ARMCX5: variants seen among roughly 807,000 people sequenced by gnomAD.
ARMCX5 encodes the protein armadillo repeat containing X-linked 5, also known as armadillo repeat-containing X-linked protein 5.
In ARMCX5, 1 loss-of-function variant was observed where a neutral mutation model predicts 7.5. That is an observed-to-expected ratio of 0.13 (90% CI 0.05 to 0.63). ARMCX5 has a LOEUF of 0.63. Ranked by LOEUF, ARMCX5 falls within the 30% of genes least tolerant of loss-of-function variation. ARMCX5 has a pLI of 0.86. For missense variants in ARMCX5, 346 were observed against 402.2 expected, an observed-to-expected ratio of 0.86 and a Z score of 1.19; for synonymous variants, 149 against 145.7, an observed-to-expected ratio of 1.02 and a Z score of -0.16.
At position 102,603,123 on chromosome X, in the gene ARMCX5, C is replaced by A. The variant is rs1602495118; in HGVS notation, c.982C>A (p.His328Asn). The change falls in exon 4 of 4, where the codon CAT (histidine) becomes AAT (asparagine). Residue 328 changes from histidine (H) to asparagine (N), a missense_variant. This residue lies in a region of ARMCX5 where 204 missense variants were observed against 244.3 expected (regional missense o/e 0.83). Transcript: ENST00000473968. ...TAAGTTAACTAAGGATCCTTTCATT[C>A]ATGAAATAGCTACAATGATAATGGG... is the stretch of plus-strand genomic sequence containing the variant. ...LLKLTKDPFI[H>N]EIATMIMGIS... 8.3e-7 allele frequency: 1 copy of A among 1,209,889 alleles called. No homozygotes were observed.
chrX:102,599,284 A>T (rs2080997169), upstream of ARMCX5: 2 of 110,521 alleles, frequency 1.8e-5, 1 homozygote, highest in Admixed American at 1.9e-4. Context: ...TGGTGGGGGG[A>T]GCTCCCGCAA....
chrX:102,601,442 CTGTT>C lies in ARMCX5; in HGVS notation c.-308-16_-308-13del, dbSNP rs757681358. On this transcript the variant is annotated intron_variant, in intron 2 of 3. Coordinates refer to ENST00000473968, the MANE Select transcript of ARMCX5 (RefSeq NM_001168478.2). ...CCAGGAGATCAGTTTCCACATTCTC[CTGTT>C]TGTTTATTTGTCCATAGGTCTGCCT... The C allele has an allele frequency of 3.4e-3, 381 of 111,637 alleles. 1 individual carries two copies. The highest frequency in any genetic ancestry group is 4.2e-3 in the Non-Finnish European group (225 of 53,129). The allele number at this position is 111,637 out of a possible 1,213,427, so 9.2% of individuals were successfully genotyped here. A position where few individuals can be genotyped will look rare whatever the true frequency, so the allele number is the denominator to read the frequency against.
rs1369873234 is a variant in ARMCX5, at chrX:102,602,121, TC to T, written c.-19del. 3 of 1,166,671 alleles carry T rather than the reference TC, an allele frequency of 2.6e-6. No individual in the cohort carries two copies. In the African/African-American group the frequency reaches 5.3e-5, roughly 21 times the overall value. On this transcript the variant is annotated 5_prime_UTR_variant, in exon 4 of 4. Transcript: ENST00000473968. Reference sequence around the variant, plus strand: ...GAGACGGGTGGGGGTATATAACTTGTCCTTACGTTAAACTTGGAACATGGTT... The same window carrying T: ...GAGACGGGTGGGGGTATATAACTTGTCTTACGTTAAACTTGGAACATGGTT...
chrX:102,604,034 G>A lies in ARMCX5; in HGVS notation c.*216G>A. On this transcript the variant is annotated 3_prime_UTR_variant, in exon 4 of 4. Coordinates refer to ENST00000473968, the MANE Select transcript of ARMCX5 (RefSeq NM_001168478.2). Reference sequence around the variant, plus strand: ...GAGATATTTTTGGTATTTCTGCAACGTGACCTGATAATGAATCTATTCATC... The same window carrying A: ...GAGATATTTTTGGTATTTCTGCAACATGACCTGATAATGAATCTATTCATC... The A allele has an allele frequency of 3.3e-6, 1 of 304,952 alleles. No individual in the cohort carries two copies. The allele number at this position is 304,952 out of a possible 1,213,427, so 25.1% of individuals were successfully genotyped here. A position where few individuals can be genotyped will look rare whatever the true frequency, so the allele number is the denominator to read the frequency against.
rs774329171 is a variant in ARMCX5, at chrX:102,603,666, G to T, written c.1525G>T (p.Ala509Ser). Reference protein sequence around the residue: ...ENINFQFKTKAKLFTKEKFTK... With the variant: ...ENINFQFKTKSKLFTKEKFTK... ...TATAAATTTTCAGTTCAAAACAAAGGCAAAGCTATTTACCAAGGAAAAGTT... is the reference window on the plus strand; with the variant it reads ...TATAAATTTTCAGTTCAAAACAAAGTCAAAGCTATTTACCAAGGAAAAGTT... The change falls in exon 4 of 4, where the codon GCA (alanine) becomes TCA (serine). Residue 509 changes from alanine to serine, a missense_variant. Transcript: ENST00000473968. The T allele has an allele frequency of 6.7e-6, 8 of 1,193,458 alleles. No homozygotes were observed. Among genetic ancestry groups the T allele is most frequent in the Non-Finnish European group, 9.1e-6 (8 of 881,400 alleles).
In ARMCX5 at chrX:102,603,843, TCAAA is replaced by T; in HGVS notation, c.*28_*31del. ...AATACCCCTCTGTTCTCATAAAGCC[TCAAA>T]CAGTTTTTTGGAGTTGCAATATGAA... On this transcript the variant is annotated 3_prime_UTR_variant, in exon 4 of 4. Transcript: ENST00000473968. The T allele has an allele frequency of 1.0e-6, 1 of 973,924 alleles. No homozygotes were observed. The highest frequency in any genetic ancestry group is 3.2e-5 in the East Asian group (1 of 31,476). The allele number at this position is 973,924 out of a possible 1,213,427, so 80.3% of individuals were successfully genotyped here. A position where few individuals can be genotyped will look rare whatever the true frequency, so the allele number is the denominator to read the frequency against.
At position 102,603,092 on chromosome X, in the gene ARMCX5, C is replaced by T. The variant is rs2081062405; in HGVS notation, c.951C>T (p.Ala317=). Residue 317 remains alanine (A), a synonymous_variant, in exon 4 of 4, where the codon GCC becomes GCT. Transcript: ENST00000473968. ...CTAAAGAGTTTGATAAACTTGTTGCCCTCCTTAAGTTAACTAAGGATCCTT... is the reference window on the plus strand; with the variant it reads ...CTAAAGAGTTTGATAAACTTGTTGCTCTCCTTAAGTTAACTAAGGATCCTT... ...LEPKEFDKLV[A]LLKLTKDPFI... 8.3e-7 allele frequency: 1 copy of T among 1,210,353 alleles called. No homozygotes were observed. Among genetic ancestry groups the T allele is most frequent in the East Asian group, 3.0e-5 (1 of 33,838 alleles).
At position 102,602,459 on chromosome X, in the gene ARMCX5, C is replaced by G. The variant is rs779963766; in HGVS notation, c.318C>G (p.Thr106=). ...CAGAACGCAGTATAGTGCCACAAAC[C>G]AAGTCAAAGGCCATGCCTATGTCTA... ...PLAERSIVPQ[T]KSKAMPMSRV... The change falls in exon 4 of 4, where the codon ACC becomes ACG. Residue 106 remains threonine, a synonymous_variant. Coordinates refer to ENST00000473968, the MANE Select transcript of ARMCX5 (RefSeq NM_001168478.2). The G allele has an allele frequency of 1.5e-5, 18 of 1,209,998 alleles. No individual in the cohort carries two copies. The highest frequency in any genetic ancestry group is 2.0e-5 in the Non-Finnish European group (18 of 895,150).
rs770882008 is a variant in ARMCX5 at position 102,602,314 on chromosome X, C to T, written c.173C>T (p.Ala58Val). Residue 58 changes from alanine to valine, a missense_variant, in exon 4 of 4, where the codon GCA becomes GTA. Coordinates refer to ENST00000473968, the MANE Select transcript of ARMCX5 (RefSeq NM_001168478.2). ...ACCCAGGCCAAAGCTGGTGATGGAGCAATGACCAGGACACATACAGTGACC... is the reference window on the plus strand; with the variant it reads ...ACCCAGGCCAAAGCTGGTGATGGAGTAATGACCAGGACACATACAGTGACC... ...SVTQAKAGDGAMTRTHTVTYR... is the reference protein window; with the variant it reads ...SVTQAKAGDGVMTRTHTVTYR... 2.5e-6 allele frequency: 3 copies of T among 1,211,587 alleles called. No individual in the cohort carries two copies. The highest frequency in any genetic ancestry group is 3.4e-6 in the Non-Finnish European group (3 of 895,444).
At position 102,602,057 on chromosome X, in the gene ARMCX5, T is replaced by A; in HGVS notation, c.-85T>A. On this transcript the variant is annotated 5_prime_UTR_variant, in exon 4 of 4. Transcript: ENST00000473968. ...GGGACAGAGTGACTACTGGACTTTGTGTGAAAACACCAACCGGGACAAAAC... is the reference window on the plus strand; with the variant it reads ...GGGACAGAGTGACTACTGGACTTTGAGTGAAAACACCAACCGGGACAAAAC... The A allele has an allele frequency of 1.2e-6, 1 of 828,290 alleles. No homozygotes were observed. The highest frequency in any genetic ancestry group is 2.4e-5 in the South Asian group (1 of 40,821). The allele number at this position is 828,290 out of a possible 1,213,427, so 68.3% of individuals were successfully genotyped here.
At position 102,602,426 on chromosome X, in the gene ARMCX5, A is replaced by T; in HGVS notation, c.285A>T (p.Lys95Asn). ...KTRVMVETKTKPLAERSIVPQ... is the reference protein window; with the variant it reads ...KTRVMVETKTNPLAERSIVPQ... ...GAGTCATGGTTGAGACTAAGACAAAACCCCTGGCAGAACGCAGTATAGTGC... is the reference window on the plus strand; with the variant it reads ...GAGTCATGGTTGAGACTAAGACAAATCCCCTGGCAGAACGCAGTATAGTGC... Residue 95 changes from lysine (K) to asparagine (N), a missense_variant, in exon 4 of 4, where the codon AAA (lysine) becomes AAT (asparagine). Around this residue, in one of 3 missense-constraint regions of ARMCX5, gnomAD observed 204 missense variants for 244.3 expected, o/e 0.83. Transcript: ENST00000473968. 3 of 1,211,210 alleles carry T rather than the reference A, an allele frequency of 2.5e-6. No homozygotes were observed. The highest frequency in any genetic ancestry group is 3.4e-6 in the Non-Finnish European group (3 of 895,334).
rs2081049918 is a variant in ARMCX5, at chrX:102,602,321, C to A, written c.180C>A (p.Thr60=). The change falls in exon 4 of 4, where the codon ACC becomes ACA. Residue 60 remains threonine (T), a synonymous_variant. Transcript: ENST00000473968. ...TQAKAGDGAM[T]RTHTVTYREA... is the part of the protein sequence containing the mutation. The stretch of plus-strand genomic sequence containing the variant: ...CCAAAGCTGGTGATGGAGCAATGAC[C>A]AGGACACATACAGTGACCTACAGGG... 1 of 1,209,762 alleles carries A rather than the reference C, an allele frequency of 8.3e-7. No individual in the cohort carries two copies. The highest frequency in any genetic ancestry group is 1.1e-6 in the Non-Finnish European group (1 of 895,153).
intron 2 of ARMCX5, 55 bp downstream of exon 2, chrX:102,601,087 C>G (rs990890482): frequency 8.9e-6 from 1 of 112,014 alleles, no homozygotes; most frequent in Non-Finnish European, 1.9e-5. Context: ...AATTCCATCT[C>G]TTCTGTTTTG....
intron 1 of ARMCX5, 56 bp downstream of exon 1, chrX:102,599,903 C>T (rs2081008759): frequency 9.5e-6 from 1 of 105,818 alleles, no homozygotes. Context: ...GAGGTGAACA[C>T]TGGATACGCG....
In ARMCX5 at chrX:102,603,312, T is replaced by C. The variant is rs780177987; in HGVS notation, c.1171T>C (p.Ser391Pro). The change falls in exon 4 of 4, where the codon TCA becomes CCA. Residue 391 changes from serine (S) to proline (P), a missense_variant. Ser to Pro is a moderately conservative substitution (Grantham distance 74). Coordinates refer to ENST00000473968, the MANE Select transcript of ARMCX5 (RefSeq NM_001168478.2). ...TTCCGAAGAACCAAAATCAGGGGAG[T>C]CATATATACATCAAGTTTGTAAAGG... ...ESSEEPKSGESYIHQVCKGII... is the reference protein window; with the variant it reads ...ESSEEPKSGEPYIHQVCKGII... The C allele has an allele frequency of 8.3e-7, 1 of 1,209,456 alleles. No individual in the cohort carries two copies. Among genetic ancestry groups the C allele is most frequent in the South Asian group, 1.8e-5 (1 of 56,875 alleles).
intron 1 of ARMCX5, chrX:102,600,355 G>C (rs2081019746): frequency 9.0e-6 from 1 of 110,631 alleles, no homozygotes; most frequent in African/African-American, 3.3e-5. Flanking sequence ...GTAAAGATCT[G>C]TAGGGGACAG....
chrX:102,603,587 T>C lies in ARMCX5; in HGVS notation c.1446T>C (p.Phe482=), dbSNP rs745553239. Residue 482 remains phenylalanine (F), a synonymous_variant, in exon 4 of 4, where the codon TTT becomes TTC. Transcript: ENST00000473968. ...AKVLSSLVAP[F]NKNESKANIL... Reference sequence around the variant, plus strand: ...TACTGTCATCATTGGTTGCACCCTTTAACAAGAATGAGTCAAAGGCCAATA... The same window carrying C: ...TACTGTCATCATTGGTTGCACCCTTCAACAAGAATGAGTCAAAGGCCAATA... 2.5e-6 allele frequency: 3 copies of C among 1,194,617 alleles called. No homozygotes were observed. In the South Asian group the frequency reaches 5.4e-5, roughly 21 times the overall value.
At chrX:102,600,075 A>G (rs2081013776) in intron 1 of ARMCX5, 1 of 104,866 alleles carries the variant, frequency 9.5e-6, no homozygotes, top group Non-Finnish European at 1.9e-5. Context: ...AGCTTCTAGC[A>G]GGGAAAAGGC....
chrX:102,601,976 G>C lies in ARMCX5; in HGVS notation c.-166G>C. ...ATGCACAGCCATCCTTCCCTACCTT[G>C]AGTGAGCTTCCTCTGCATGTTTTCT... On this transcript the variant is annotated 5_prime_UTR_variant, in exon 4 of 4. It removes the in-frame stop codon of an upstream open reading frame in the 5' UTR. Coordinates refer to ENST00000473968, the MANE Select transcript of ARMCX5 (RefSeq NM_001168478.2). 2.1e-6 allele frequency: 1 copy of C among 486,645 alleles called. No individual in the cohort carries two copies. The highest frequency in any genetic ancestry group is 3.5e-6 in the Non-Finnish European group (1 of 284,743). The allele number at this position is 486,645 out of a possible 1,213,427, so 40.1% of individuals were successfully genotyped here.
Sources: gnomAD v4.1 joint callset for allele counts on GRCh38, gnomAD v4.1.1 for gene constraint, gnomAD v4.1.1 regional missense constraint, MANE v1.5 for transcripts, NCBI Gene and HGNC (gene_info 2026-07-23, HGNC 2026-07-21) for gene names.